VSTM1: variants seen among roughly 807,000 people sequenced by gnomAD.
The protein encoded by VSTM1 is V-set and transmembrane domain-containing protein 1.
A neutral mutation model predicts 33.1 loss-of-function variants in VSTM1; 27 were observed. The observed-to-expected ratio is 0.82, with a 90% CI of 0.60 to 1.12. The LOEUF (loss-of-function observed/expected upper bound fraction) is 1.12. VSTM1 is among the 50% of genes most tolerant of loss of function. VSTM1 has a pLI of 0.00. For synonymous variants in VSTM1, 115 were observed against 110.3 expected (o/e 1.04, Z -0.27); for missense variants, 304 against 288.9 (o/e 1.05, Z -0.38).
intron 4 of VSTM1, among the ~76,000 whole-genome samples, chr19:54,043,360 C>T (rs2070414215): frequency 6.6e-6 from 1 of 152,050 alleles, no homozygotes; most frequent in African/African-American, 2.4e-5. Flanking sequence ...ATCACGTGAA[C>T]CAATCCATTA....
intron 4 of VSTM1, among the ~76,000 whole-genome samples, chr19:54,043,995 C>T (rs773373115): frequency 1.3e-4 from 20 of 152,074 alleles, no homozygotes; most frequent in Non-Finnish European, 2.5e-4. Flanking sequence ...TGATCATACT[C>T]GAATTCCTGG....
intron 1 of VSTM1, 107 bp from the exon 2 acceptor site, chr19:54,058,839 ATATAATGTATATATGTAT>A: frequency 3.8e-6 from 2 of 521,184 alleles, no homozygotes; most frequent in Non-Finnish European, 6.4e-6. Context: ...ATATATATAT[ATATAATGTATATATGTAT>A]TATATATAAT....
At chr19:54,046,462 C>T (rs923908111) in intron 4 of VSTM1, among the ~76,000 whole-genome samples, 3 of 152,026 alleles carry the variant, frequency 2.0e-5, no homozygotes, top group Non-Finnish European at 4.4e-5. Context: ...GGCTTTAAAG[C>T]GCTCAGTCTA....
At chr19:54,043,572 C>T (rs549282757) in intron 4 of VSTM1, among the ~76,000 whole-genome samples, 8 of 152,042 alleles carry the variant, frequency 5.3e-5, no homozygotes, top group East Asian at 3.9e-4. Context: ...CCATCACGCC[C>T]GGCTAATTTT....
chr19:54,060,910 C>G (rs765409750), intron 1 of VSTM1, among the ~76,000 whole-genome samples: 2 of 151,922 alleles, frequency 1.3e-5, no homozygotes, highest in African/African-American at 4.8e-5. Flanking sequence ...AGGCTGGTCT[C>G]GAACACCTGA....
chr19:54,045,565 T>C (rs966854910), intron 4 of VSTM1, among the ~76,000 whole-genome samples: 24 of 152,286 alleles, frequency 1.6e-4, no homozygotes, highest in Middle Eastern at 3.4e-3. Context: ...TATCATCTAG[T>C]TACCAAATCT....
intron 2 of VSTM1, 45 bp from the exon 3 acceptor site, chr19:54,058,635 TA>T (rs1200945607): frequency 6.2e-7 from 1 of 1,613,464 alleles, no homozygotes; most frequent in Admixed American, 1.7e-5. Flanking sequence ...TTCAGACGAT[TA>T]AAGGAAAAGG....
chr19:54,044,598 A>T (rs2070478658), intron 4 of VSTM1, among the ~76,000 whole-genome samples: 1 of 152,196 alleles, frequency 6.6e-6, no homozygotes, highest in Non-Finnish European at 1.5e-5. Context: ...CTACCAATTA[A>T]AAAACAAAAA....
intron 8 of VSTM1, among the ~76,000 whole-genome samples, 189 bp downstream of exon 8, chr19:54,041,590 C>T (rs4806692): frequency 0.23 from 35,301 of 151,994 alleles, 4,485 homozygotes; most frequent in African/African-American, 0.31. Context: ...CGTGAGCCAC[C>T]GCGCCCGGCC....
intron 3 of VSTM1, among the ~76,000 whole-genome samples, 189 bp from the exon 4 acceptor site, chr19:54,051,637 T>TA (rs1239642539): frequency 6.6e-6 from 1 of 152,164 alleles, no homozygotes; most frequent in Non-Finnish European, 1.5e-5. Context: ...CTCTTCTTAA[T>TA]AGTCCTGGAG....
In VSTM1 at chr19:54,063,879, C is replaced by T. The variant is rs897077914; in HGVS notation, c.-102G>A. On this transcript the variant is annotated 5_prime_UTR_variant, in exon 1 of 9. Coordinates refer to ENST00000338372, the MANE Select transcript of VSTM1 (RefSeq NM_198481.4). ...AGCTCTCCGGCTGCCCGGTTCGTCC[C>T]CAGGATGTGCAGATAGAGGAGGTTT... 7.6e-7 allele frequency: 1 copy of T among 1,319,858 alleles called. No individual in the cohort carries two copies. Among genetic ancestry groups the T allele is most frequent in the Non-Finnish European group, 1.0e-6 (1 of 956,162 alleles). The allele number at this position is 1,319,858 out of a possible 1,614,324, so 81.8% of individuals were successfully genotyped here. A position where few individuals can be genotyped will look rare whatever the true frequency, so the allele number is the denominator to read the frequency against.
Position 54,062,219 on chromosome 19 carries a change from C to T in VSTM1, c.34+1525G>A, listed in dbSNP as rs182842464. On this transcript the variant is annotated intron_variant, in intron 1 of 8. Coordinates refer to ENST00000338372, the MANE Select transcript of VSTM1 (RefSeq NM_198481.4). The stretch of plus-strand genomic sequence containing the variant: ...AGAAGAGGGGCATAAAACAGACGCT[C>T]CTTCATAGTTCTCAGAAGGAATCAA... 1.3e-3 allele frequency among the ~76,000 whole-genome samples: 204 copies of T among 152,192 alleles called. 2 individuals are homozygous for T. The highest frequency in any genetic ancestry group is 3.4e-3 in the Middle Eastern group (1 of 294).
intron 3 of VSTM1, 73 bp from the exon 4 acceptor site, chr19:54,051,521 C>A: frequency 1.7e-6 from 2 of 1,207,754 alleles, no homozygotes; most frequent in African/African-American, 1.6e-5. Context: ...TCCTCACGTC[C>A]TACTTATAGA....
intron 4 of VSTM1, among the ~76,000 whole-genome samples, chr19:54,050,985 C>T (rs1185419276): frequency 6.7e-6 from 1 of 148,366 alleles, no homozygotes; most frequent in Non-Finnish European, 1.5e-5. Context: ...GGGGACAGAA[C>T]AAGACTCTTT....
chr19:54,042,806 G>GTATATATATATATATATATATATATA (rs1203522841), intron 4 of VSTM1, among the ~76,000 whole-genome samples: 14 of 57,924 alleles, frequency 2.4e-4, no homozygotes, highest in Admixed American at 4.8e-4. Flanking sequence ...ATATAAATGT[G>GTATATATATATATATATATATATATA]TATATATATA....
chr19:54,042,456 C>T, intron 4 of VSTM1, 87 bp from the exon 5 acceptor site: 1 of 1,504,780 alleles, frequency 6.6e-7, no homozygotes, highest in Non-Finnish European at 8.9e-7. Context: ...AGAAGCCAGA[C>T]AGATGGCCTG....
intron 1 of VSTM1, among the ~76,000 whole-genome samples, chr19:54,060,749 G>T (rs1294704948): frequency 6.6e-6 from 1 of 151,960 alleles, no homozygotes; most frequent in Non-Finnish European, 1.5e-5. Context: ...GGAGTGCCAG[G>T]GTGCAGTCAC....
At chr19:54,052,304 A>G (rs1228249031) in intron 3 of VSTM1, among the ~76,000 whole-genome samples, 7,540 of 115,892 alleles carry the variant, frequency 0.065, 476 homozygotes, top group Non-Finnish European at 0.074. Context: ...AGGCTGAGGC[A>G]GGAGAATGGC....
intron 1 of VSTM1, among the ~76,000 whole-genome samples, chr19:54,061,016 CTT>C (rs10693760): frequency 1.4e-4 from 16 of 115,046 alleles, no homozygotes; most frequent in African/African-American, 2.3e-4. Context: ...TTTTTCTTTT[CTT>C]TTTTTTTTTT....
Sources: gnomAD v4.1 joint callset for allele counts (sites outside exome capture counted in the v4.1 genomes callset) on GRCh38, gnomAD v4.1.1 for gene constraint, MANE v1.5 for transcripts, NCBI Gene and HGNC (gene_info 2026-07-23, HGNC 2026-07-21) for gene names.